Variants in GNB5 observed in about 807,000 individuals in gnomAD.
GNB5 encodes guanine nucleotide-binding protein subunit beta-5.
In GNB5, 37 loss-of-function variants were observed where a neutral mutation model predicts 55.3. The ratio of observed to expected loss-of-function variants is 0.67; its 90% CI spans 0.51 to 0.88. The LOEUF (loss-of-function observed/expected upper bound fraction) is 0.88, where lower values mean the gene tolerates loss of function less well. Among genes scored for constraint, GNB5 ranks in the 40% least tolerant of loss-of-function variants. The pLI, the probability that GNB5 is intolerant of heterozygous loss-of-function variation, is 0.00. For missense variants in GNB5, 476 were observed against 515.3 expected (o/e 0.92, Z 0.74); for synonymous variants, 219 against 198.5 (o/e 1.10, Z -0.87).
rs185939490 is a variant in GNB5 at position 52,158,317 on chromosome 15, T to A, written c.239-4241A>T. On this transcript the variant is annotated intron_variant, in intron 3 of 12. Coordinates refer to ENST00000261837, the MANE Select transcript of GNB5 (RefSeq NM_016194.4). Reference sequence around the variant, plus strand: ...CGGGGACAACTATTCAAGCCTGGCATAAAGGGAACACTTCATAAGGGTTGG... The same window carrying A: ...CGGGGACAACTATTCAAGCCTGGCAAAAAGGGAACACTTCATAAGGGTTGG... Among the ~76,000 whole-genome samples the A allele has an allele frequency of 4.3e-3, 661 of 152,302 alleles. 4 individuals are homozygous for A. The highest frequency in any genetic ancestry group is 0.016 in the African/African-American group (648 of 41,566).
At chr15:52,175,463 G>A (rs900077784) in intron 3 of GNB5, among the ~76,000 whole-genome samples, 2 of 152,218 alleles carry the variant, frequency 1.3e-5, no homozygotes, top group African/African-American at 4.8e-5. Context: ...GTCAGGCCAG[G>A]CACATTAGCT....
chr15:52,153,962 C>T lies in GNB5; in HGVS notation c.353G>A (p.Arg118Lys), dbSNP rs1166728552. ...VLCMDWCKDKRRIVSSSQDGK... is the reference protein window; with the variant it reads ...VLCMDWCKDKKRIVSSSQDGK... ...TACCTGTGACGAGCTCACGATCCTC[C>T]TCTTATCTTTGCACCAGTCCATGCA... is the stretch of plus-strand genomic sequence containing the variant. Residue 118 changes from arginine (R) to lysine (K), a missense_variant, in exon 4 of 13, where the codon AGG becomes AAG. Arg to Lys is a conservative substitution (Grantham distance 26, BLOSUM62 2). Coordinates refer to ENST00000261837, the MANE Select transcript of GNB5 (RefSeq NM_016194.4). The T allele has an allele frequency of 6.2e-7, 1 of 1,613,684 alleles. No homozygotes were observed.
At chr15:52,128,287 C>G (rs777392208) in intron 9 of GNB5, 43 bp from the exon 10 acceptor site, 2 of 1,298,628 alleles carry the variant, frequency 1.5e-6, no homozygotes, top group Admixed American at 1.7e-5. Context: ...GACTCCTGAC[C>G]CTGGATGCCC....
At chr15:52,179,714 G>A (rs2034728968) in intron 3 of GNB5, 54 bp downstream of exon 3, 1 of 466,524 alleles carries the variant, frequency 2.1e-6, no homozygotes, top group Non-Finnish European at 3.3e-6. Flanking sequence ...GTCCCCGCCC[G>A]GGAAGTGGCG....
chr15:52,179,217 T>C (rs1033210678), intron 3 of GNB5, among the ~76,000 whole-genome samples: 1 of 152,140 alleles, frequency 6.6e-6, no homozygotes, highest in African/African-American at 2.4e-5. Flanking sequence ...GCTCCTCCGT[T>C]TCCCTTCTCT....
At chr15:52,184,759 C>A (rs967708792) in intron 1 of GNB5, 65 bp from the exon 2 acceptor site, 3 of 1,366,618 alleles carry the variant, frequency 2.2e-6, no homozygotes, top group Non-Finnish European at 3.1e-6. Flanking sequence ...TTTCTAAAAT[C>A]TCTTCTTGCT....
rs531168046 is a variant in GNB5, at chr15:52,115,666, G to A, written c.*7091C>T. 6.6e-6 allele frequency: 1 copy of A among 152,330 alleles called. No homozygotes were observed. Among genetic ancestry groups the A allele is most frequent in the South Asian group, 2.1e-4 (1 of 4,826 alleles). The allele number at this position is 152,330 out of a possible 1,614,324, so 9.4% of individuals were successfully genotyped here. On this transcript the variant is annotated 3_prime_UTR_variant, in exon 13 of 13. Transcript: ENST00000261837. ...GTTTTATTGAGAATAGCTAGTGACT[G>A]CTTATTATTTTTTCCACGTTTTAAG...
At chr15:52,131,986 C>G (rs532581032) in intron 9 of GNB5, among the ~76,000 whole-genome samples, 1 of 152,188 alleles carries the variant, frequency 6.6e-6, no homozygotes, top group Non-Finnish European at 1.5e-5. Flanking sequence ...AATCCATGTG[C>G]AAAGCCCACC....
At chr15:52,135,478 G>T in intron 8 of GNB5, 135 bp downstream of exon 8, 2 of 788,096 alleles carry the variant, frequency 2.5e-6, no homozygotes, top group Non-Finnish European at 4.1e-6. Flanking sequence ...TGGGGGTTTA[G>T]TGGGGAGTTG....
Position 52,117,114 on chromosome 15 carries a change from T to TTTTTTTTTTTTGG in GNB5, c.*5642_*5643insCCAAAAAAAAAAA, listed in dbSNP as rs1341100858. On this transcript the variant is annotated 3_prime_UTR_variant, in exon 13 of 13. Transcript: ENST00000261837. ...AATATATATATATATTTTTTTTTAG[T>TTTTTTTTTTTTGG]ACAGACAGGGTTTCACCGTGTTAGC... is the stretch of plus-strand genomic sequence containing the variant. 5.8e-5 allele frequency: 5 copies of TTTTTTTTTTTTGG among 85,594 alleles called. No individual in the cohort carries two copies. Among genetic ancestry groups the TTTTTTTTTTTTGG allele is most frequent in the African/African-American group, 2.7e-4 (5 of 18,750 alleles). 5.3% of individuals were successfully genotyped at this position (85,594 alleles called of 1,614,324 possible).
At chr15:52,122,889 T>C (rs955519185) in intron 12 of GNB5, 121 bp from the exon 13 acceptor site, 5 of 717,250 alleles carry the variant, frequency 7.0e-6, no homozygotes, top group Non-Finnish European at 1.0e-5. Flanking sequence ...TATGTGTGTG[T>C]ACACACACAC....
At chr15:52,126,107 C>T in intron 10 of GNB5, 63 bp from the exon 11 acceptor site, 1 of 782,672 alleles carries the variant, frequency 1.3e-6, no homozygotes, top group South Asian at 1.5e-5. Context: ...GTGATGACCA[C>T]AGAGCTACAG....
At chr15:52,146,123 A>T (rs1318866430) in intron 6 of GNB5, among the ~76,000 whole-genome samples, 1 of 150,734 alleles carries the variant, frequency 6.6e-6, no homozygotes, top group East Asian at 2.0e-4. Flanking sequence ...TGCCCGGCTA[A>T]TTTTTTTTTA....
Position 52,135,673 on chromosome 15 carries a change from C to G in GNB5, c.711G>C (p.Gly237=), listed in dbSNP as rs2033684956. ...CCAGGTCCAAGCAGAGGACGTCAGCCCCATGTCCGTGGAAGCTCTGCAGCA... is the reference window on the plus strand; with the variant it reads ...CCAGGTCCAAGCAGAGGACGTCAGCGCCATGTCCGTGGAAGCTCTGCAGCA... ...GQLLQSFHGH[G]ADVLCLDLAP... is the part of the protein sequence containing the mutation. The change falls in exon 8 of 13, where the codon GGG becomes GGC. Residue 237 remains glycine (G), a synonymous_variant. Coordinates refer to ENST00000261837, the MANE Select transcript of GNB5 (RefSeq NM_016194.4). 1 of 1,613,550 alleles carries G rather than the reference C, an allele frequency of 6.2e-7. No homozygotes were observed. Among genetic ancestry groups the G allele is most frequent in the African/African-American group, 1.3e-5 (1 of 74,982 alleles).
At chr15:52,145,245 C>A (rs1361809762) in intron 6 of GNB5, among the ~76,000 whole-genome samples, 1 of 151,656 alleles carries the variant, frequency 6.6e-6, no homozygotes, top group Non-Finnish European at 1.5e-5. Flanking sequence ...TATTATAGCA[C>A]CTCTTATCCT....
At chr15:52,186,617 A>G (rs903640858) in intron 1 of GNB5, among the ~76,000 whole-genome samples, 2 of 152,182 alleles carry the variant, frequency 1.3e-5, no homozygotes, top group Non-Finnish European at 2.9e-5. Flanking sequence ...TGGCCCTGTC[A>G]ATTTGGTAGG....
intron 9 of GNB5, 71 bp from the exon 10 acceptor site, chr15:52,128,315 C>T (rs2033480548): frequency 1.1e-6 from 1 of 939,642 alleles, no homozygotes; most frequent in Admixed American, 1.8e-5. Flanking sequence ...CCATGCTAGG[C>T]CCTTGGAATC....
In GNB5 at chr15:52,121,403, C is replaced by T. The variant is rs1434594998; in HGVS notation, c.*1354G>A. 1.3e-5 allele frequency: 2 copies of T among 152,042 alleles called. No individual in the cohort carries two copies. The highest frequency in any genetic ancestry group is 2.4e-5 in the African/African-American group (1 of 41,400). The allele number at this position is 152,042 out of a possible 1,614,324, so 9.4% of individuals were successfully genotyped here. On this transcript the variant is annotated 3_prime_UTR_variant, in exon 13 of 13. Coordinates refer to ENST00000261837, the MANE Select transcript of GNB5 (RefSeq NM_016194.4). ...TTCTAAAGCAAAGAATAAGCATCTA[C>T]ATCTTACAAAAAAACAAAAAAAGGA... is the stretch of plus-strand genomic sequence containing the variant.
At chr15:52,184,792 C>A in intron 1 of GNB5, 98 bp from the exon 2 acceptor site, 3 of 916,958 alleles carry the variant, frequency 3.3e-6, no homozygotes, top group Admixed American at 2.4e-5. Flanking sequence ...GCTATTCAGA[C>A]GTCTACATGT....
Sources: gnomAD v4.1 joint callset for allele counts (sites outside exome capture counted in the v4.1 genomes callset) on GRCh38, gnomAD v4.1.1 for gene constraint, MANE v1.5 for transcripts, NCBI Gene and HGNC (gene_info 2026-07-23, HGNC 2026-07-21) for gene names.